TPM2: variants seen among roughly 807,000 people sequenced by gnomAD.
TPM2 encodes the protein tropomyosin 2.
Under a neutral mutation model 41.0 loss-of-function variants are expected in TPM2, and 26 were observed. That is an observed-to-expected ratio of 0.63 (90% CI 0.46 to 0.88). The LOEUF (loss-of-function observed/expected upper bound fraction) is 0.88. Ranked by LOEUF, TPM2 falls within the 40% of genes least tolerant of loss-of-function variation. The pLI, the probability that TPM2 is intolerant of heterozygous loss-of-function variation, is 0.00. For synonymous variants in TPM2, 143 were observed against 139.3 expected, an observed-to-expected ratio of 1.03 and a Z score of -0.19; for missense variants, 187 against 355.2, an observed-to-expected ratio of 0.53 and a Z score of 3.81.
At chr9:35,686,579 C>T (rs899340179) in intron 2 of TPM2, among the ~76,000 whole-genome samples, 10 of 133,180 alleles carry the variant, frequency 7.5e-5, no homozygotes, top group Non-Finnish European at 1.1e-4. Flanking sequence ...AAGGCTAAGG[C>T]GGGAGTTCAG....
intron 8 of TPM2, chr9:35,683,947 G>A (rs941444796): frequency 2.6e-5 from 11 of 422,626 alleles, no homozygotes; most frequent in East Asian, 1.6e-4. Flanking sequence ...GAACTAGCTA[G>A]AAATGTAAAT....
chr9:35,688,204 G>A (rs1012151161), intron 2 of TPM2, among the ~76,000 whole-genome samples: 1 of 152,192 alleles, frequency 6.6e-6, no homozygotes, highest in Non-Finnish European at 1.5e-5. Flanking sequence ...AGGACTGGTG[G>A]AGAACCAAAA....
In TPM2 at chr9:35,685,993, G is replaced by A. The variant is rs1225181426; in HGVS notation, c.241-213C>T. On this transcript the variant is annotated intron_variant, in intron 2 of 8. Transcript: ENST00000645482. This position sits in a 1 kb window ranked among gnomAD's most constrained non-coding sequence, Gnocchi z 5.0. ...AGGCCGGGCATGGTGGCTCACGCCTGTAATCCCCGCACTCTGGGAGGCCGA... is the reference window on the plus strand; with the variant it reads ...AGGCCGGGCATGGTGGCTCACGCCTATAATCCCCGCACTCTGGGAGGCCGA... 2.6e-5 allele frequency among the ~76,000 whole-genome samples: 4 copies of A among 152,368 alleles called. No homozygotes were observed. The highest frequency in any genetic ancestry group is 4.4e-5 in the Non-Finnish European group (3 of 68,034).
chr9:35,684,218 T>C, intron 8 of TPM2, 28 bp downstream of exon 8: 1 of 1,607,514 alleles, frequency 6.2e-7, no homozygotes. Flanking sequence ...ACGGCAGGTG[T>C]GGACCTACTT....
In TPM2 at chr9:35,683,250, G is replaced by T. The variant is rs1175005753; in HGVS notation, c.773-9C>A. ...CTGGGCATAGACTTCATCTGGGGGG[G>T]GTCCAGGGAGGGGACCAGGTGGGAG... On this transcript the variant is annotated splice_polypyrimidine_tract_variant and intron_variant, in intron 8 of 8. Coordinates refer to ENST00000645482, the MANE Select transcript of TPM2 (RefSeq NM_003289.4). 4 of 1,549,944 alleles carry T rather than the reference G, an allele frequency of 2.6e-6. No individual in the cohort carries two copies. In the Admixed American group the frequency reaches 5.8e-5, roughly 23 times the overall value.
intron 2 of TPM2, among the ~76,000 whole-genome samples, chr9:35,688,136 G>A (rs150733296): frequency 1.1e-4 from 16 of 152,214 alleles, no homozygotes; most frequent in East Asian, 1.9e-4. Flanking sequence ...TTTATAGAGT[G>A]TCAGATGCCC....
At chr9:35,687,512 G>A (rs1293135339) in intron 2 of TPM2, among the ~76,000 whole-genome samples, 3 of 152,090 alleles carry the variant, frequency 2.0e-5, no homozygotes, top group African/African-American at 7.2e-5. Flanking sequence ...ATAGGAAGCA[G>A]GTCCTTGGTC....
chr9:35,686,636 C>CAAA (rs11408936), intron 2 of TPM2, among the ~76,000 whole-genome samples: 10 of 104,306 alleles, frequency 9.6e-5, no homozygotes, highest in Non-Finnish European at 1.5e-4. Flanking sequence ...GATCCCATCT[C>CAAA]AAAAAAAAAA....
intron 1 of TPM2, 70 bp downstream of exon 1, chr9:35,689,634 G>A (rs1484510248): frequency 2.9e-5 from 47 of 1,600,868 alleles, no homozygotes; most frequent in Non-Finnish European, 3.9e-5. Context: ...CGGGGCTGGG[G>A]GACCCATGGC....
Position 35,685,366 on chromosome 9 carries a change from G to A in TPM2, c.493-27C>T. The A allele has an allele frequency of 6.2e-7, 1 of 1,614,204 alleles. No individual in the cohort carries two copies. The highest frequency in any genetic ancestry group is 1.1e-5 in the South Asian group (1 of 91,086). The stretch of plus-strand genomic sequence containing the variant: ...TGTGGGGAGTGAGAAAGAGAGGGTA[G>A]ATCAGTGGAGAAGGACTGGGCATGT... On this transcript the variant is annotated intron_variant, in intron 4 of 8. Coordinates refer to ENST00000645482, the MANE Select transcript of TPM2 (RefSeq NM_003289.4). The surrounding 1 kb of genome is among the most constrained non-coding windows in gnomAD (Gnocchi z 5.0).
In TPM2 at chr9:35,689,891, G is replaced by A. The variant is rs1052916305; in HGVS notation, c.-74C>T. On this transcript the variant is annotated 5_prime_UTR_variant, in exon 1 of 9. Transcript: ENST00000645482. ...ACTGGGCTGGGTGAGCGGACTGGGT[G>A]CACCGGTGGCAGGCGAGGAGGACGG... 39 of 1,607,990 alleles carry A rather than the reference G, an allele frequency of 2.4e-5. No homozygotes were observed. In the Admixed American group the frequency reaches 4.3e-4, roughly 18 times the overall value.
At chr9:35,683,346 G>C in intron 8 of TPM2, 105 bp from the exon 9 acceptor site, 1 of 1,152,922 alleles carries the variant, frequency 8.7e-7, no homozygotes, top group Non-Finnish European at 1.3e-6. Context: ...CAGAATCAGA[G>C]GTACACAAAG....
rs745506208 is a variant in TPM2 at position 35,685,596 on chromosome 9, G to C, written c.375-45C>G. 1 of 1,614,162 alleles carries C rather than the reference G, an allele frequency of 6.2e-7. No individual in the cohort carries two copies. The highest frequency in any genetic ancestry group is 1.1e-5 in the South Asian group (1 of 91,084). Reference sequence around the variant, plus strand: ...TGAGCGTAGGGTCAGGACCAGCAGAGACAGGCTCCCTTCTCCCTCCCGGAC... The same window carrying C: ...TGAGCGTAGGGTCAGGACCAGCAGACACAGGCTCCCTTCTCCCTCCCGGAC... On this transcript the variant is annotated intron_variant, in intron 3 of 8. Coordinates refer to ENST00000645482, the MANE Select transcript of TPM2 (RefSeq NM_003289.4). The surrounding 1 kb of genome is among the most constrained non-coding windows in gnomAD (Gnocchi z 5.0).
At chr9:35,687,675 C>T (rs971476825) in intron 2 of TPM2, among the ~76,000 whole-genome samples, 7 of 151,690 alleles carry the variant, frequency 4.6e-5, no homozygotes, top group African/African-American at 1.7e-4. Flanking sequence ...ATTCTGGGGA[C>T]AGCATTGGGG....
At chr9:35,684,987 G>A in intron 5 of TPM2, 180 bp from the exon 6 acceptor site, 1 of 1,613,880 alleles carries the variant, frequency 6.2e-7, no homozygotes, top group Non-Finnish European at 8.5e-7. Flanking sequence ...AGAAAGAGCA[G>A]CCTGCGGTGC....
chr9:35,686,365 T>C (rs1374762203), intron 2 of TPM2: 2 of 164,532 alleles, frequency 1.2e-5, no homozygotes, highest in East Asian at 1.7e-4. Flanking sequence ...ACACAAGTCC[T>C]CCTGTTCCCT....
intron 6 of TPM2, 59 bp downstream of exon 6, chr9:35,684,673 G>A: frequency 6.2e-7 from 1 of 1,613,618 alleles, no homozygotes. Context: ...CCTGCCTTGG[G>A]CCCCTCACCT....
At chr9:35,687,636 G>A (rs1824997830) in intron 2 of TPM2, among the ~76,000 whole-genome samples, 1 of 152,104 alleles carries the variant, frequency 6.6e-6, no homozygotes, top group South Asian at 2.1e-4. Flanking sequence ...GCCCATCATG[G>A]GCACAGGGCC....
chr9:35,682,645 A>G, downstream of TPM2: 1 of 1,308,558 alleles, frequency 7.6e-7, no homozygotes, highest in Non-Finnish European at 1.0e-6. Flanking sequence ...CTTTCCAGTC[A>G]CTCTGTTTGA....
Sources: gnomAD v4.1 joint callset for allele counts (sites outside exome capture counted in the v4.1 genomes callset) on GRCh38, gnomAD v4.1.1 for gene constraint, Gnocchi (gnomAD v3.1) non-coding constraint, MANE v1.5 for transcripts, NCBI Gene and HGNC (gene_info 2026-07-23, HGNC 2026-07-21) for gene names.